The following ALDH1L1 variants were observed in gnomAD, a reference collection of about 807,000 sequenced individuals.
ALDH1L1 encodes the protein cytosolic 10-formyltetrahydrofolate dehydrogenase.
A neutral mutation model predicts 101.1 loss-of-function variants in ALDH1L1; 68 were observed. The ratio of observed to expected loss-of-function variants is 0.67; its 90% CI spans 0.55 to 0.82. ALDH1L1 has a LOEUF of 0.82. Among genes scored for constraint, ALDH1L1 ranks in the 40% least tolerant of loss-of-function variants. The pLI, the probability that ALDH1L1 is intolerant of heterozygous loss-of-function variation, is 0.00. For synonymous variants in ALDH1L1, 486 were observed against 470.8 expected (o/e 1.03, Z -0.42); for missense variants, 1,087 against 1,172.7 (o/e 0.93, Z 1.07).
At position 126,109,753 on chromosome 3, in the gene ALDH1L1, G is replaced by A. The variant is rs113778125; in HGVS notation, c.2347+191C>T. 1.2e-3 allele frequency among the ~76,000 whole-genome samples: 181 copies of A among 152,290 alleles called. 1 individual carries two copies. Among genetic ancestry groups the A allele is most frequent in the African/African-American group, 4.1e-3 (171 of 41,552 alleles). On this transcript the variant is annotated intron_variant, in intron 20 of 22. Coordinates refer to ENST00000393434, the MANE Select transcript of ALDH1L1 (RefSeq NM_012190.4). Reference sequence around the variant, plus strand: ...AATAAACCAGCACTGAATAATGCTCGTCCCATCCCCGGGTCTGGCTGGTGC... The same window carrying A: ...AATAAACCAGCACTGAATAATGCTCATCCCATCCCCGGGTCTGGCTGGTGC...
At chr3:126,158,744 GC>G in intron 2 of ALDH1L1, 105 bp from the exon 3 acceptor site, 2 of 1,080,504 alleles carry the variant, frequency 1.9e-6, no homozygotes, top group Non-Finnish European at 2.7e-6. Context: ...CTCCATTCCT[GC>G]CCCCTCACCC....
intron 1 of ALDH1L1, among the ~76,000 whole-genome samples, chr3:126,176,304 A>T (rs1342618169): frequency 6.6e-6 from 1 of 152,196 alleles, no homozygotes; most frequent in Non-Finnish European, 1.5e-5. Context: ...AAACCCCAGC[A>T]GTTATTTGTG....
intron 9 of ALDH1L1, among the ~76,000 whole-genome samples, chr3:126,145,393 G>A (rs2080654235): frequency 6.6e-6 from 1 of 152,210 alleles, no homozygotes; most frequent in Admixed American, 6.5e-5. Context: ...AAATTCCCAT[G>A]CACTTCCACA....
chr3:126,184,512 C>G (rs1359247488), upstream of ALDH1L1, among the ~76,000 whole-genome samples: 1 of 152,234 alleles, frequency 6.6e-6, no homozygotes, highest in African/African-American at 2.4e-5. Context: ...GGAGAGGCAC[C>G]TGCAGTGACA....
At position 126,110,059 on chromosome 3, in the gene ALDH1L1, G is replaced by A. The variant is rs141918591; in HGVS notation, c.2232C>T (p.Thr744=). 136 of 1,614,080 alleles carry A rather than the reference G, an allele frequency of 8.4e-5. No individual in the cohort carries two copies. Among genetic ancestry groups the A allele is most frequent in the Admixed American group, 1.7e-4 (10 of 60,004 alleles). Reference sequence around the variant, plus strand: ...CATGGTGATTCTGCGGCCCGTGGTCGGTGTCCCTGTCCAGCGGGTTGCCCA... The same window carrying A: ...CATGGTGATTCTGCGGCCCGTGGTCAGTGTCCCTGTCCAGCGGGTTGCCCA... ...MKVGNPLDRD[T]DHGPQNHHAH... Residue 744 remains threonine (T), a synonymous_variant, in exon 20 of 23, where the codon ACC becomes ACT. Coordinates refer to ENST00000393434, the MANE Select transcript of ALDH1L1 (RefSeq NM_012190.4).
At chr3:126,197,431 T>A (rs1345037981) in intron 1 of ALDH1L1, among the ~76,000 whole-genome samples, 1 of 152,074 alleles carries the variant, frequency 6.6e-6, no homozygotes, top group Non-Finnish European at 1.5e-5. Flanking sequence ...TCCCTGAAAA[T>A]TTTTAAAAGC....
Position 126,103,664 on chromosome 3 carries a change from A to G in ALDH1L1, c.*127T>C. The G allele has an allele frequency of 1.0e-6, 1 of 959,412 alleles. No homozygotes were observed. Among genetic ancestry groups the G allele is most frequent in the Non-Finnish European group, 1.6e-6 (1 of 628,302 alleles). 59.4% of individuals were successfully genotyped at this position (959,412 alleles called of 1,614,324 possible). ...GACAGAGGGCGTCCAAGATGCAGAC[A>G]TGGTGTGCAGGCAGGAGGGCTTCCA... On this transcript the variant is annotated 3_prime_UTR_variant, in exon 23 of 23. Transcript: ENST00000393434.
intron 2 of ALDH1L1, 47 bp downstream of exon 2, chr3:126,160,806 G>A (rs758877113): frequency 1.1e-5 from 17 of 1,599,510 alleles, no homozygotes; most frequent in Admixed American, 6.7e-5. Flanking sequence ...CTACCTGGAT[G>A]GGCGGGCCGC....
chr3:126,137,828 C>T lies in ALDH1L1; in HGVS notation c.1209G>A (p.Glu403=). The part of the protein sequence containing the change: ...RKLRGDDEEG[E]CSIDYVEMAV... ...CAGCACTCACGTAGTCAATGCTGCA[C>T]TCGCCCTCCTCATCGTCCCCTCGCA... is the stretch of plus-strand genomic sequence containing the variant. Residue 403 remains glutamate, a synonymous_variant, in exon 10 of 23, where the codon GAG becomes GAA. Transcript: ENST00000393434. 6.2e-7 allele frequency: 1 copy of T among 1,614,052 alleles called. No individual in the cohort carries two copies. The highest frequency in any genetic ancestry group is 8.5e-7 in the Non-Finnish European group (1 of 1,179,966).
intron 1 of ALDH1L1, among the ~76,000 whole-genome samples, chr3:126,170,762 G>A (rs1299169158): frequency 2.0e-5 from 3 of 152,188 alleles, no homozygotes; most frequent in Admixed American, 6.5e-5. Flanking sequence ...TTAAATTCCA[G>A]CTCCCTTTCT....
intron 1 of ALDH1L1, among the ~76,000 whole-genome samples, chr3:126,166,717 C>T (rs913152617): frequency 6.6e-5 from 10 of 152,022 alleles, no homozygotes; most frequent in Non-Finnish European, 1.2e-4. Context: ...CTAAGTAAAT[C>T]ATTCACTCAT....
chr3:126,192,462 T>A (rs2081558472), intron 1 of ALDH1L1, among the ~76,000 whole-genome samples: 1 of 152,226 alleles, frequency 6.6e-6, no homozygotes, highest in Admixed American at 6.5e-5. Flanking sequence ...TTTAGAGAGA[T>A]CAAAGATATT....
chr3:126,135,659 T>C lies in ALDH1L1; in HGVS notation c.1348A>G (p.Ile450Val). ...ACTTGGGCCAGGGATACCTGGCAGATGACCTATAGTGGAAGCAGAGCCATG... is the reference window on the plus strand; with the variant it reads ...ACTTGGGCCAGGGATACCTGGCAGACGACCTATAGTGGAAGCAGAGCCATG... ...ETINPTDGSV[I>V]CQVSLAQVTD... The change falls in exon 12 of 23, where the codon ATC (isoleucine) becomes GTC (valine). Residue 450 changes from isoleucine to valine, a missense_variant. By Grantham distance (29) the Ile-to-Val change is conservative. This residue lies in a region of ALDH1L1 where 645 missense variants were observed against 637.0 expected (regional missense o/e 1.01). Transcript: ENST00000393434. 6.5e-7 allele frequency: 1 copy of C among 1,545,916 alleles called. No homozygotes were observed. The highest frequency in any genetic ancestry group is 1.2e-5 in the South Asian group (1 of 81,872).
intron 1 of ALDH1L1, among the ~76,000 whole-genome samples, chr3:126,166,978 T>C (rs1180747302): frequency 6.6e-6 from 1 of 152,168 alleles, no homozygotes; most frequent in Non-Finnish European, 1.5e-5. Context: ...TCATTTATAC[T>C]ATAAAACAAA....
At chr3:126,158,071 C>T (rs2080953128) in intron 3 of ALDH1L1, among the ~76,000 whole-genome samples, 1 of 152,028 alleles carries the variant, frequency 6.6e-6, no homozygotes, top group Admixed American at 6.6e-5. Context: ...GGCACCCTGG[C>T]CCCTGCGCCT....
intron 1 of ALDH1L1, among the ~76,000 whole-genome samples, chr3:126,197,139 A>T (rs1201487158): frequency 6.6e-6 from 1 of 152,220 alleles, no homozygotes; most frequent in Non-Finnish European, 1.5e-5. Context: ...CTGCTGCAAC[A>T]CAAAAGAAAA....
intron 6 of ALDH1L1, 32 bp downstream of exon 6, chr3:126,154,522 C>A (rs371755727): frequency 6.9e-6 from 11 of 1,602,626 alleles, no homozygotes; most frequent in Admixed American, 5.0e-5. Flanking sequence ...CACCAATGCA[C>A]GTGGCTGGAT....
intron 21 of ALDH1L1, among the ~76,000 whole-genome samples, chr3:126,106,683 C>T (rs913222591): frequency 3.4e-4 from 52 of 152,306 alleles, no homozygotes; most frequent in African/African-American, 1.2e-3. Context: ...TCCCGCAAGA[C>T]CCCCAGCAGC....
chr3:126,180,666 G>T, upstream of ALDH1L1: 5 of 1,345,146 alleles, frequency 3.7e-6, no homozygotes, highest in East Asian at 5.8e-5. Context: ...TCAGCCGAGT[G>T]GGGGCGGCGC....
Sources: allele counts gnomAD v4.1 joint callset (sites outside exome capture counted in the v4.1 genomes callset), GRCh38; gene constraint gnomAD v4.1.1; regional missense constraint gnomAD v4.1.1; transcripts MANE v1.5; gene names NCBI Gene and HGNC (gene_info 2026-07-23, HGNC 2026-07-21).